The following SPOCK3 variants were observed in gnomAD, a reference collection of about 807,000 sequenced individuals.
SPOCK3 encodes the protein testican-3.
SPOCK3 carries 30 observed loss-of-function variants against 56.6 expected under a neutral mutation model. That is an observed-to-expected ratio of 0.53 (90% CI 0.40 to 0.72). The LOEUF is 0.72. Among genes scored for constraint, SPOCK3 ranks in the 30% least tolerant of loss-of-function variants. The probability of loss-of-function intolerance (pLI) is 0.00; values close to 1 mark genes in which losing one functional copy is unlikely to be tolerated. For missense variants in SPOCK3, 527 were observed against 530.0 expected (o/e 0.99, Z 0.06); for synonymous variants, 196 against 183.3 (o/e 1.07, Z -0.56).
At chr4:166,798,777 T>C (rs1165763066) in intron 6 of SPOCK3, among the ~76,000 whole-genome samples, 3 of 152,180 alleles carry the variant, frequency 2.0e-5, no homozygotes, top group Admixed American at 6.5e-5. Context: ...AATTCATGAA[T>C]AGTTATTCAT....
chr4:167,003,062 T>C (rs998344764), intron 3 of SPOCK3, among the ~76,000 whole-genome samples: 3 of 121,542 alleles, frequency 2.5e-5, no homozygotes, highest in African/African-American at 9.5e-5. Context: ...ACGATTCCAA[T>C]GCAGACTGGT....
intron 4 of SPOCK3, among the ~76,000 whole-genome samples, chr4:166,991,079 G>A (rs1003610314): frequency 1.3e-5 from 2 of 152,018 alleles, no homozygotes; most frequent in Admixed American, 1.3e-4. Context: ...CCACTGTGGA[G>A]CCTCTTTTTT....
chr4:166,807,323 A>AAAG (rs1743278212), intron 6 of SPOCK3, among the ~76,000 whole-genome samples: 1 of 151,676 alleles, frequency 6.6e-6, no homozygotes, highest in Admixed American at 6.6e-5. Flanking sequence ...AAAAAAAAAA[A>AAAG]GAACAGGGTC....
chr4:167,101,090 T>G (rs182306172), intron 2 of SPOCK3, among the ~76,000 whole-genome samples: 1 of 152,300 alleles, frequency 6.6e-6, no homozygotes, highest in African/African-American at 2.4e-5. Context: ...AAACTGGCTC[T>G]GTACTAAGGA....
chr4:166,901,070 T>G (rs1478643236), intron 5 of SPOCK3, among the ~76,000 whole-genome samples: 2 of 152,146 alleles, frequency 1.3e-5, no homozygotes, highest in Non-Finnish European at 2.9e-5. Flanking sequence ...TCCATTTCAC[T>G]TAACCTTACC....
chr4:167,204,594 T>C (rs141587076), intron 2 of SPOCK3, among the ~76,000 whole-genome samples: 139 of 152,104 alleles, frequency 9.1e-4, no homozygotes, highest in African/African-American at 3.2e-3. Flanking sequence ...TCACCCAACA[T>C]GTGGGGATTA....
At chr4:166,755,073 T>A (rs1342500764) in intron 7 of SPOCK3, among the ~76,000 whole-genome samples, 1 of 152,062 alleles carries the variant, frequency 6.6e-6, no homozygotes, top group Non-Finnish European at 1.5e-5. Context: ...ATTAGATATA[T>A]GTAAATACTA....
chr4:167,004,973 A>G (rs1237517791), intron 3 of SPOCK3, among the ~76,000 whole-genome samples: 1 of 152,200 alleles, frequency 6.6e-6, no homozygotes, highest in Admixed American at 6.5e-5. Context: ...TCCCTCCAGC[A>G]GTCATCTCAA....
In SPOCK3 at chr4:166,849,654, A is replaced by G. The variant is rs540028010; in HGVS notation, c.589+39476T>C. 2.6e-4 allele frequency among the ~76,000 whole-genome samples: 40 copies of G among 152,332 alleles called. 1 individual carries two copies. The highest frequency in any genetic ancestry group is 2.5e-3 in the Admixed American group (39 of 15,304). ...TCATTTTTTATGCACACATTTCTGT[A>G]GAATTAAGTACATTCACATTGTTGT... On this transcript the variant is annotated intron_variant, in intron 6 of 10. Transcript: ENST00000357545.
chr4:166,914,062 A>C (rs1375125030), intron 4 of SPOCK3, among the ~76,000 whole-genome samples: 2 of 123,276 alleles, frequency 1.6e-5, no homozygotes, highest in Non-Finnish European at 3.8e-5. Context: ...AGCAGATACA[A>C]ATTAAAAAAA....
chr4:166,969,036 T>C (rs1313855612), intron 4 of SPOCK3, among the ~76,000 whole-genome samples: 1 of 152,238 alleles, frequency 6.6e-6, no homozygotes, highest in Non-Finnish European at 1.5e-5. Context: ...ACTGCCCTGC[T>C]GCATTTCAAA....
At chr4:167,072,334 C>CTT (rs199581188) in intron 2 of SPOCK3, among the ~76,000 whole-genome samples, 5 of 151,838 alleles carry the variant, frequency 3.3e-5, no homozygotes, top group Non-Finnish European at 7.4e-5. Context: ...AGCCACACCC[C>CTT]TTTTTTTTAC....
rs961138401 is a variant in SPOCK3, at chr4:167,193,618, C to T, written c.189+40367G>A. Among the ~76,000 whole-genome samples the T allele has an allele frequency of 5.5e-5, 8 of 145,728 alleles. 2 individuals are homozygous for T. Among genetic ancestry groups the T allele is most frequent in the Admixed American group, 1.4e-4 (2 of 14,162 alleles). On this transcript the variant is annotated intron_variant, in intron 2 of 10. Coordinates refer to ENST00000357545, the MANE Select transcript of SPOCK3 (RefSeq NM_001040159.2). ...AATTTCACTATATATTTGTCTTTAT[C>T]AGTGAGCTCAGTTTTACCATATATA...
intron 6 of SPOCK3, among the ~76,000 whole-genome samples, chr4:166,801,931 CAG>C (rs1444731906): frequency 1.5e-4 from 23 of 151,990 alleles, no homozygotes; most frequent in Admixed American, 1.5e-3. Context: ...AAGCCAGAAA[CAG>C]AGAGATTCCT....
In SPOCK3 at chr4:166,971,030, A is replaced by AT. The variant is rs551523045; in HGVS notation, c.350+29318dup. Among the ~76,000 whole-genome samples, 8 of 152,216 alleles carry AT rather than the reference A, an allele frequency of 5.3e-5. No homozygotes were observed. In the South Asian group the frequency reaches 1.2e-3, roughly 24 times the overall value. On this transcript the variant is annotated intron_variant, in intron 4 of 10. Coordinates refer to ENST00000357545, the MANE Select transcript of SPOCK3 (RefSeq NM_001040159.2). ...GCGCATACCAGCATACCTGGCTTTG[A>AT]TTTTTTAAATTAGGAAAGACAAGTT...
intron 3 of SPOCK3, among the ~76,000 whole-genome samples, chr4:167,044,653 T>C (rs1374682674): frequency 1.3e-5 from 2 of 152,102 alleles, no homozygotes; most frequent in African/African-American, 4.8e-5. Context: ...AAATTTCTCT[T>C]GGTATTTCTT....
intron 2 of SPOCK3, among the ~76,000 whole-genome samples, chr4:167,096,872 T>C (rs142621032): frequency 2.6e-4 from 39 of 152,032 alleles, no homozygotes; most frequent in Admixed American, 7.2e-4. Context: ...TCTTCAACTA[T>C]AGTAATGGAT....
At chr4:167,104,103 C>T (rs1048906445) in intron 2 of SPOCK3, among the ~76,000 whole-genome samples, 1 of 152,100 alleles carries the variant, frequency 6.6e-6, no homozygotes, top group South Asian at 2.1e-4. Flanking sequence ...AAAAAGTCTT[C>T]ACAAGAACAG....
At chr4:166,902,749 G>A (rs1477023909) in intron 5 of SPOCK3, among the ~76,000 whole-genome samples, 1 of 151,258 alleles carries the variant, frequency 6.6e-6, no homozygotes, top group Non-Finnish European at 1.5e-5. Flanking sequence ...CATCTAATCT[G>A]CTGTTTAATC....
Sources: gnomAD v4.1 joint callset for allele counts (sites outside exome capture counted in the v4.1 genomes callset) on GRCh38, gnomAD v4.1.1 for gene constraint, MANE v1.5 for transcripts, NCBI Gene and HGNC (gene_info 2026-07-23, HGNC 2026-07-21) for gene names.